Variants in PALS1 observed in about 807,000 individuals in gnomAD.
PALS1 encodes the protein protein PALS1.
Under a neutral mutation model 78.9 loss-of-function variants are expected in PALS1, and 31 were observed. The ratio of observed to expected loss-of-function variants is 0.39; its 90% CI spans 0.30 to 0.53. The LOEUF is 0.53. Among genes scored for constraint, PALS1 ranks in the 20% least tolerant of loss-of-function variants. PALS1 has a pLI of 0.67. For synonymous variants in PALS1, 276 were observed against 270.9 expected (o/e 1.02, Z -0.18); for missense variants, 704 against 826.5 (o/e 0.85, Z 1.82).
intron 8 of PALS1, among the ~76,000 whole-genome samples, chr14:67,310,037 TTATTGA>T (rs1036097082): frequency 1.6e-5 from 2 of 128,760 alleles, no homozygotes; most frequent in African/African-American, 8.1e-5. Flanking sequence ...TCTAGAAGTA[TTATTGA>T]TAGGATGGTG....
rs1001465770 is a variant in PALS1 at position 67,302,021 on chromosome 14, A to T, written c.704A>T (p.Glu235Val). The change falls in exon 6 of 15, where the codon GAG becomes GTG. Residue 235 changes from glutamate to valine, a missense_variant. Physicochemically the swap from Glu to Val is moderately radical, Grantham distance 121. Coordinates refer to ENST00000261681, the MANE Select transcript of PALS1 (RefSeq NM_022474.4). Reference protein sequence around the residue: ...DKVAEQEMQLEPITDERVYES... With the variant: ...DKVAEQEMQLVPITDERVYES... The stretch of plus-strand genomic sequence containing the variant: ...GTTGCTGAGCAGGAAATGCAGCTAG[A>T]GCCCATTACAGATGAGAGAGTTTAT... 6.2e-7 allele frequency: 1 copy of T among 1,610,594 alleles called. No individual in the cohort carries two copies. Among genetic ancestry groups the T allele is most frequent in the Middle Eastern group, 1.7e-4 (1 of 6,052 alleles).
rs2085393361 is a variant in PALS1, at chr14:67,328,414, T to G, written c.1852-4366T>G. ...GTCAGATGGGTAGATGGTAAAAATT[T>G]TCTCCCATTCTGTAGGTTGCCTATT... On this transcript the variant is annotated intron_variant, in intron 14 of 14. Coordinates refer to ENST00000261681, the MANE Select transcript of PALS1 (RefSeq NM_022474.4). Among the ~76,000 whole-genome samples, 7 of 152,372 alleles carry G rather than the reference T, an allele frequency of 4.6e-5. No homozygotes were observed. The South Asian group carries it at 1.4e-3, about 32-fold the overall frequency.
intron 14 of PALS1, among the ~76,000 whole-genome samples, chr14:67,328,479 T>A (rs1427102838): frequency 6.6e-6 from 1 of 152,248 alleles, no homozygotes; most frequent in African/African-American, 2.4e-5. Context: ...AGAAGCTCTT[T>A]AATTAGATCC....
chr14:67,265,630 G>A (rs1159901895), intron 1 of PALS1, among the ~76,000 whole-genome samples: 1 of 152,054 alleles, frequency 6.6e-6, no homozygotes, highest in Non-Finnish European at 1.5e-5. Context: ...GCAAAGGTAG[G>A]TGGATCACCT....
chr14:67,252,013 G>T (rs1253774833), intron 1 of PALS1, among the ~76,000 whole-genome samples: 1 of 152,100 alleles, frequency 6.6e-6, no homozygotes, highest in Non-Finnish European at 1.5e-5. Flanking sequence ...CAAGGTGCTG[G>T]GAGGCTGGTT....
At chr14:67,324,968 A>G (rs1041519474) in intron 14 of PALS1, among the ~76,000 whole-genome samples, 2 of 134,960 alleles carry the variant, frequency 1.5e-5, no homozygotes, top group African/African-American at 2.9e-5. Context: ...GCAGTAGCGC[A>G]ATCTCGGCTG....
intron 2 of PALS1, chr14:67,271,923 T>A (rs2084413177): frequency 6.6e-6 from 1 of 151,828 alleles, no homozygotes; most frequent in Non-Finnish European, 1.5e-5. Flanking sequence ...ATACAAAAAT[T>A]AGCTGGGTAT....
Position 67,284,429 on chromosome 14 carries a change from T to TAAAAAAAAAAAAAAAAAAA in PALS1, c.367+4907_367+4908insAAAAAAAAAAAAAAAAAAA, listed in dbSNP as rs530863294. 2.1e-4 allele frequency among the ~76,000 whole-genome samples: 19 copies of TAAAAAAAAAAAAAAAAAAA among 92,660 alleles called. 1 individual carries two copies. The highest frequency in any genetic ancestry group is 1.1e-3 in the African/African-American group (17 of 15,862). 60.8% of individuals were successfully genotyped at this position (92,660 alleles called of 152,430 possible). A position where few individuals can be genotyped will look rare whatever the true frequency, so the allele number is the denominator to read the frequency against. On this transcript the variant is annotated intron_variant, in intron 3 of 14. Coordinates refer to ENST00000261681, the MANE Select transcript of PALS1 (RefSeq NM_022474.4). ...CTTGGGCAACATAGACCCTATCTCT[T>TAAAAAAAAAAAAAAAAAAA]AAAAAAAAAAAAAAACAGCTGGGCA...
chr14:67,254,181 TC>T (rs369005673), intron 1 of PALS1: 39 of 138,506 alleles, frequency 2.8e-4, no homozygotes, highest in African/African-American at 1.1e-3. Flanking sequence ...TAAGTGTCTT[TC>T]TTTTTTTTTT....
At chr14:67,311,829 G>GA (rs1257114576) in intron 8 of PALS1, among the ~76,000 whole-genome samples, 1 of 152,144 alleles carries the variant, frequency 6.6e-6, no homozygotes, top group African/African-American at 2.4e-5. Context: ...ATACAAATAA[G>GA]AATTGATTAT....
At chr14:67,266,267 T>A (rs2084321776) in intron 1 of PALS1, among the ~76,000 whole-genome samples, 1 of 152,230 alleles carries the variant, frequency 6.6e-6, no homozygotes, top group African/African-American at 2.4e-5. Flanking sequence ...TATTTTTGTT[T>A]AGGTTGTGCC....
intron 14 of PALS1, among the ~76,000 whole-genome samples, chr14:67,329,086 A>G (rs184316344): frequency 3.3e-4 from 50 of 152,218 alleles, no homozygotes; most frequent in Non-Finnish European, 5.1e-4. Flanking sequence ...CCATTTTCAC[A>G]ATATTGATTC....
At chr14:67,276,538 G>A (rs1389929647) in intron 2 of PALS1, among the ~76,000 whole-genome samples, 1 of 152,054 alleles carries the variant, frequency 6.6e-6, no homozygotes, top group African/African-American at 2.4e-5. Flanking sequence ...GATATTTATT[G>A]GACATTTCTT....
intron 1 of PALS1, chr14:67,254,292 C>T (rs2084112547): frequency 6.7e-6 from 1 of 150,368 alleles, no homozygotes; most frequent in South Asian, 2.1e-4. Flanking sequence ...AGTGGGTACT[C>T]GCCTTGTTGA....
chr14:67,307,088 A>G (rs2085015605), intron 8 of PALS1, among the ~76,000 whole-genome samples: 1 of 152,154 alleles, frequency 6.6e-6, no homozygotes, highest in Non-Finnish European at 1.5e-5. Context: ...GAGTTCTTAA[A>G]TTTCTTTTGT....
At chr14:67,279,804 G>T (rs1476689380) in intron 3 of PALS1, 1 of 360,972 alleles carries the variant, frequency 2.8e-6, no homozygotes, top group African/African-American at 2.1e-5. Flanking sequence ...AACATTTAAA[G>T]CCTTGAAATT....
intron 4 of PALS1, among the ~76,000 whole-genome samples, chr14:67,298,486 G>T (rs1172154920): frequency 6.7e-6 from 1 of 149,666 alleles, no homozygotes; most frequent in Non-Finnish European, 1.5e-5. Flanking sequence ...TTGCACTCCA[G>T]CCTGGGCGAC....
chr14:67,328,690 A>C (rs894707134), intron 14 of PALS1, among the ~76,000 whole-genome samples: 2 of 152,174 alleles, frequency 1.3e-5, no homozygotes, highest in Non-Finnish European at 2.9e-5. Flanking sequence ...TCAGCTTTCT[A>C]CATATGGCTA....
At position 67,278,068 on chromosome 14, in the gene PALS1, G is replaced by A. The variant is rs1038113663; in HGVS notation, c.-153-950G>A. Among the ~76,000 whole-genome samples, 11 of 144,138 alleles carry A rather than the reference G, an allele frequency of 7.6e-5. No individual in the cohort carries two copies. The East Asian group carries it at 1.0e-3, about 13-fold the overall frequency. The allele number at this position is 144,138 out of a possible 152,430, so 94.6% of individuals were successfully genotyped here. On this transcript the variant is annotated intron_variant, in intron 2 of 14. Coordinates refer to ENST00000261681, the MANE Select transcript of PALS1 (RefSeq NM_022474.4). ...TTTTTTTTTTTTGAGATGGAGTCTC[G>A]CTCTGTCACCCAGGCTGGAGTGCAG...
Sources: gnomAD v4.1 joint callset for allele counts (sites outside exome capture counted in the v4.1 genomes callset) on GRCh38, gnomAD v4.1.1 for gene constraint, MANE v1.5 for transcripts, NCBI Gene and HGNC (gene_info 2026-07-23, HGNC 2026-07-21) for gene names.